Variants in VOPP1 observed in about 807,000 individuals in gnomAD.
The protein encoded by VOPP1 is WW domain binding protein VOPP1.
A neutral mutation model predicts 23.5 loss-of-function variants in VOPP1; 8 were observed. The observed-to-expected ratio is 0.34, with a 90% CI of 0.20 to 0.61. The LOEUF is 0.61. VOPP1 is among the 20% of genes least tolerant of loss of function. The pLI is 0.78. For synonymous variants in VOPP1, 83 were observed against 97.3 expected, an observed-to-expected ratio of 0.85 and a Z score of 0.86; for missense variants, 174 against 238.1, an observed-to-expected ratio of 0.73 and a Z score of 1.77.
chr7:55,564,121 CA>C (rs1276917806), intron 1 of VOPP1, among the ~76,000 whole-genome samples: 8 of 152,192 alleles, frequency 5.3e-5, no homozygotes, highest in Non-Finnish European at 1.2e-4. Flanking sequence ...AACCTGGCTT[CA>C]CAGCTTCACT....
chr7:55,490,500 A>AG (rs529510537), intron 4 of VOPP1, among the ~76,000 whole-genome samples: 18 of 152,314 alleles, frequency 1.2e-4, no homozygotes, highest in African/African-American at 3.8e-4. Flanking sequence ...CAAGAGCCCC[A>AG]GTTCACATGA....
chr7:55,525,198 T>A (rs1452232478), intron 1 of VOPP1, among the ~76,000 whole-genome samples: 2 of 151,914 alleles, frequency 1.3e-5, no homozygotes. Context: ...TTTGTAAGAG[T>A]ACAGACTCTC....
At chr7:55,436,994 A>G (rs1790847129) in intron 4 of VOPP1, among the ~76,000 whole-genome samples, 1 of 152,190 alleles carries the variant, frequency 6.6e-6, no homozygotes, top group South Asian at 2.1e-4. Flanking sequence ...CCCCACTCTT[A>G]AAGTATTGCC....
At chr7:55,510,066 G>A (rs188134705) in intron 2 of VOPP1, among the ~76,000 whole-genome samples, 235 of 152,328 alleles carry the variant, frequency 1.5e-3, no homozygotes, top group Non-Finnish European at 2.5e-3. Flanking sequence ...AGATGCAGAT[G>A]AACTGGGGAG....
chr7:55,496,107 T>C (rs1793931549), intron 3 of VOPP1, among the ~76,000 whole-genome samples: 1 of 152,220 alleles, frequency 6.6e-6, no homozygotes, highest in Non-Finnish European at 1.5e-5. Context: ...AGCTGGACTT[T>C]CTCAAACTTC....
rs1791857615 is a variant in VOPP1 at position 55,472,012 on chromosome 7, C to A, written c.*843G>T. 2.0e-5 allele frequency: 3 copies of A among 152,282 alleles called. No homozygotes were observed. The highest frequency in any genetic ancestry group is 4.4e-5 in the Non-Finnish European group (3 of 68,116). The allele number at this position is 152,282 out of a possible 1,614,324, so 9.4% of individuals were successfully genotyped here. On this transcript the variant is annotated 3_prime_UTR_variant, in exon 5 of 5. Transcript: ENST00000285279. ...CAGTGATGTCCAGGGAAGACACACA[C>A]CCAGTCTGATTTCAAAGGGCAGGAC...
intron 4 of VOPP1, among the ~76,000 whole-genome samples, chr7:55,451,125 G>T (rs2129001624): frequency 6.6e-6 from 1 of 152,252 alleles, no homozygotes; most frequent in South Asian, 2.1e-4. Context: ...TTGCGGGTAG[G>T]GGGTGTCTTG....
intron 1 of VOPP1, chr7:55,562,132 C>T (rs1353932738): frequency 7.2e-6 from 5 of 698,576 alleles, no homozygotes; most frequent in Admixed American, 6.0e-5. Context: ...GTACAGCCAA[C>T]GCTGAGAATG....
chr7:55,530,723 T>A (rs751051339), intron 1 of VOPP1: 2 of 152,206 alleles, frequency 1.3e-5, no homozygotes, highest in Non-Finnish European at 2.9e-5. Context: ...TTTTGCTGTA[T>A]AGAAGAAAAC....
At chr7:55,568,301 G>A (rs1053478415) in intron 1 of VOPP1, among the ~76,000 whole-genome samples, 4 of 152,050 alleles carry the variant, frequency 2.6e-5, no homozygotes, top group African/African-American at 7.2e-5. Context: ...GGATGGTCTC[G>A]ATCTCCTGAG....
At chr7:55,544,269 T>C (rs1383288952) in intron 1 of VOPP1, among the ~76,000 whole-genome samples, 1 of 152,216 alleles carries the variant, frequency 6.6e-6, no homozygotes. Flanking sequence ...TAAAACACAT[T>C]CTTAAAAGAT....
intron 4 of VOPP1, among the ~76,000 whole-genome samples, chr7:55,456,397 G>A (rs201998738): frequency 5.3e-5 from 8 of 151,768 alleles, no homozygotes; most frequent in Non-Finnish European, 7.4e-5. Flanking sequence ...TGGTGATTCC[G>A]CAAGGATCTA....
At chr7:55,520,216 T>C (rs981306801) in intron 2 of VOPP1, among the ~76,000 whole-genome samples, 3 of 152,218 alleles carry the variant, frequency 2.0e-5, no homozygotes, top group African/African-American at 7.2e-5. Flanking sequence ...ATATATCTCC[T>C]ATCCAATTAC....
intron 1 of VOPP1, chr7:55,552,703 A>G: frequency 3.9e-6 from 6 of 1,535,914 alleles, no homozygotes; most frequent in African/African-American, 2.7e-5. Flanking sequence ...CTGGAGCCCC[A>G]GCCCCTCCGA....
Position 55,471,815 on chromosome 7 carries a change from G to A in VOPP1, c.*1040C>T, listed in dbSNP as rs938625343. 2 of 151,344 alleles carry A rather than the reference G, an allele frequency of 1.3e-5. No homozygotes were observed. Among genetic ancestry groups the A allele is most frequent in the East Asian group, 1.9e-4 (1 of 5,130 alleles). 9.4% of individuals were successfully genotyped at this position (151,344 alleles called of 1,614,324 possible). On this transcript the variant is annotated 3_prime_UTR_variant, in exon 5 of 5. Transcript: ENST00000285279. ...CCTCCTTGGAGCCCAGCACACACCC[G>A]CTTAGACCCAACACAACCTCAGAGA...
At chr7:55,548,717 T>G (rs1231961930) in intron 1 of VOPP1, among the ~76,000 whole-genome samples, 6 of 152,232 alleles carry the variant, frequency 3.9e-5, no homozygotes, top group Non-Finnish European at 8.8e-5. Context: ...GCCTTGTGCT[T>G]GGGTTTACCA....
intron 4 of VOPP1, among the ~76,000 whole-genome samples, chr7:55,462,814 C>A (rs919925691): frequency 3.4e-5 from 5 of 149,200 alleles, no homozygotes; most frequent in African/African-American, 1.2e-4. Context: ...CGCCACTACG[C>A]CCAGCTAATT....
intron 4 of VOPP1, among the ~76,000 whole-genome samples, chr7:55,445,574 A>G (rs1223407152): frequency 6.6e-6 from 1 of 152,164 alleles, no homozygotes; most frequent in Non-Finnish European, 1.5e-5. Context: ...ACCTAGGACA[A>G]TCCCCTCAAC....
chr7:55,521,246 G>A (rs1795831639), intron 1 of VOPP1, 116 bp from the exon 2 acceptor site: 3 of 1,051,856 alleles, frequency 2.9e-6, no homozygotes, highest in Non-Finnish European at 4.2e-6. Context: ...ATGAAAAGCT[G>A]GGATATCGGG....
Sources: allele counts gnomAD v4.1 joint callset (sites outside exome capture counted in the v4.1 genomes callset), GRCh38; gene constraint gnomAD v4.1.1; transcripts MANE v1.5; gene names NCBI Gene and HGNC (gene_info 2026-07-23, HGNC 2026-07-21).